The following MZT2B variants were observed in gnomAD, a reference collection of about 807,000 sequenced individuals.
MZT2B encodes mitotic spindle organizing protein 2B.
In MZT2B, 11 loss-of-function variants were observed where a neutral mutation model predicts 12.1. The ratio of observed to expected loss-of-function variants is 0.91; its 90% confidence interval spans 0.57 to 1.50. The LOEUF (loss-of-function observed/expected upper bound fraction) is 1.50. MZT2B is among the 40% of genes most tolerant of loss of function. The probability of loss-of-function intolerance (pLI) is 0.00; values close to 1 mark genes in which losing one functional copy is unlikely to be tolerated. For synonymous variants in MZT2B, 85 were observed against 109.5 expected, an observed-to-expected ratio of 0.78 and a Z score of 1.40; for missense variants, 209 against 227.7, an observed-to-expected ratio of 0.92 and a Z score of 0.53.
downstream of MZT2B, among the ~76,000 whole-genome samples, chr2:130,194,717 G>C (rs2314001): frequency 6.6e-6 from 1 of 152,114 alleles, no homozygotes; most frequent in African/African-American, 2.4e-5. Context: ...TTGCTCTGTT[G>C]CCCAGGTTAG....
At chr2:130,195,265 C>T (rs539147648), downstream of MZT2B, 3 of 1,603,768 alleles carry the variant, frequency 1.9e-6, no homozygotes, top group South Asian at 3.4e-5. Flanking sequence ...ATTTTTAAGG[C>T]CTGTACTCAC....
At position 130,182,328 on chromosome 2, in the gene MZT2B, C is replaced by A. The variant is rs779799298; in HGVS notation, c.46C>A (p.Pro16Thr). ...VGPGPGSAAPPGLEAARQKLA... is the reference protein window; with the variant it reads ...VGPGPGSAAPTGLEAARQKLA... ...GCCTGGGCCGGGGTCGGCGGCGCCCCCGGGGCTGGAGGCGGCCCGGCAGAA... is the reference window on the plus strand; with the variant it reads ...GCCTGGGCCGGGGTCGGCGGCGCCCACGGGGCTGGAGGCGGCCCGGCAGAA... The change falls in exon 1 of 3, where the codon CCG (proline) becomes ACG (threonine). Residue 16 changes from proline to threonine, a missense_variant. By Grantham distance (38) the Pro-to-Thr change is conservative. Coordinates refer to ENST00000281871, the MANE Select transcript of MZT2B (RefSeq NM_025029.5). The A allele has an allele frequency of 6.6e-7, 1 of 1,523,796 alleles. No homozygotes were observed. Among genetic ancestry groups the A allele is most frequent in the South Asian group, 1.2e-5 (1 of 82,854 alleles). 94.4% of individuals were successfully genotyped at this position (1,523,796 alleles called of 1,614,324 possible).
chr2:130,183,875 G>C (rs755441048), intron 2 of MZT2B: 12 of 1,550,480 alleles, frequency 7.7e-6, no homozygotes, highest in Middle Eastern at 1.7e-4. Flanking sequence ...CTCCGGTTCT[G>C]CTCCACAGCC....
intron 2 of MZT2B, among the ~76,000 whole-genome samples, chr2:130,185,310 C>CA (rs34780324): frequency 0.099 from 11,560 of 117,174 alleles, 1,686 homozygotes; most frequent in African/African-American, 0.32. Context: ...GACTCCGTCT[C>CA]AAAAAAAAAA....
At position 130,184,090 on chromosome 2, in the gene MZT2B, C is replaced by G. The variant is rs1411952064; in HGVS notation, c.319+1315C>G. Reference sequence around the variant, plus strand: ...GCAGGACCATGCAGGCCATCGCTGCCCTGCCGCTTAGCCACAGGGCACGAT... The same window carrying G: ...GCAGGACCATGCAGGCCATCGCTGCGCTGCCGCTTAGCCACAGGGCACGAT... On this transcript the variant is annotated intron_variant, in intron 2 of 2. Coordinates refer to ENST00000281871, the MANE Select transcript of MZT2B (RefSeq NM_025029.5). 40 of 1,543,212 alleles carry G rather than the reference C, an allele frequency of 2.6e-5. No individual in the cohort carries two copies. The East Asian group carries it at 8.8e-4, about 34-fold the overall frequency.
chr2:130,187,204 T>C (rs1453765778), intron 2 of MZT2B, among the ~76,000 whole-genome samples: 2 of 152,116 alleles, frequency 1.3e-5, no homozygotes, highest in African/African-American at 4.8e-5. Flanking sequence ...TTTATTTATT[T>C]ATTTTTGAGA....
At chr2:130,182,478 T>G in intron 1 of MZT2B, 26 bp downstream of exon 1, 2 of 1,541,026 alleles carry the variant, frequency 1.3e-6, no homozygotes, top group Non-Finnish European at 1.8e-6. Flanking sequence ...GGGGGCCGCA[T>G]GCTAGCCAGA....
rs547113395 is a variant in MZT2B at position 130,189,052 on chromosome 2, C to T, written c.320-1417C>T. On this transcript the variant is annotated intron_variant, in intron 2 of 2. Transcript: ENST00000281871. ...AAAAGTGATGGCAGGGGAGTTCCTG[C>T]AAGGGACTGCCCCAAACCTTTCCAG... Among the ~76,000 whole-genome samples, 3 of 152,238 alleles carry T rather than the reference C, an allele frequency of 2.0e-5. No homozygotes were observed. In the South Asian group the frequency reaches 6.2e-4, roughly 31 times the overall value.
At chr2:130,182,197 G>GA, upstream of MZT2B, 3 of 1,253,870 alleles carry the variant, frequency 2.4e-6, no homozygotes, top group Non-Finnish European at 3.0e-6. Flanking sequence ...CGGGAGGCCA[G>GA]ACGTTGACGC....
intron 2 of MZT2B, chr2:130,184,480 G>A (rs1689978584): frequency 1.0e-6 from 1 of 985,374 alleles, no homozygotes; most frequent in Non-Finnish European, 1.2e-6. Flanking sequence ...TCCTGAGTTA[G>A]CACACTTTCC....
the MZT2B span, among the ~76,000 whole-genome samples, chr2:130,201,086 G>C: frequency 6.6e-6 from 1 of 152,266 alleles, no homozygotes; most frequent in Non-Finnish European, 1.5e-5. Flanking sequence ...AGCTCCCCCA[G>C]TGGGATGGGA....
At chr2:130,184,020 A>G in intron 2 of MZT2B, 2 of 1,550,378 alleles carry the variant, frequency 1.3e-6, no homozygotes, top group South Asian at 2.4e-5. Flanking sequence ...GTTTCCATGG[A>G]AACTGCCTGG....
At chr2:130,196,279 G>A in the MZT2B span, 31 of 1,613,934 alleles carry the variant, frequency 1.9e-5, no homozygotes, top group East Asian at 6.7e-5. Flanking sequence ...TTTGACCATC[G>A]GGCTGAATTC....
chr2:130,189,051 G>A (rs1420738351), intron 2 of MZT2B, among the ~76,000 whole-genome samples: 2 of 152,134 alleles, frequency 1.3e-5, no homozygotes, highest in South Asian at 2.1e-4. Flanking sequence ...GGGAGTTCCT[G>A]CAAGGGACTG....
chr2:130,183,719 C>G, intron 2 of MZT2B: 1 of 1,550,444 alleles, frequency 6.4e-7, no homozygotes, highest in South Asian at 1.2e-5. Context: ...GGCCCGGGCA[C>G]CTGCGTGCTG....
the MZT2B span, among the ~76,000 whole-genome samples, chr2:130,201,573 G>T: frequency 6.6e-6 from 1 of 152,126 alleles, no homozygotes; most frequent in Non-Finnish European, 1.5e-5. Context: ...TAGAGCTTCA[G>T]CGTCTAATAT....
At chr2:130,181,775 G>A (rs1817097), upstream of MZT2B, 562,175 of 1,547,698 alleles carry the variant, frequency 0.36, 103,127 homozygotes, top group Admixed American at 0.43. Flanking sequence ...CGCCTGCGTT[G>A]TGGCGGCCTC....
the MZT2B span, among the ~76,000 whole-genome samples, chr2:130,201,765 TCA>T: frequency 1.3e-5 from 2 of 152,180 alleles, no homozygotes; most frequent in African/African-American, 4.8e-5. Context: ...CGTGAGAACA[TCA>T]CAGAGTGTTC....
At chr2:130,191,915 C>T (rs762479210), downstream of MZT2B, 4 of 1,614,140 alleles carry the variant, frequency 2.5e-6, no homozygotes, top group Middle Eastern at 1.6e-4. Flanking sequence ...CTGCCAGGTC[C>T]TCGCGGGCCT....
Sources: gnomAD v4.1 joint callset for allele counts (sites outside exome capture counted in the v4.1 genomes callset) on GRCh38, gnomAD v4.1.1 for gene constraint, MANE v1.5 for transcripts, NCBI Gene and HGNC (gene_info 2026-07-23, HGNC 2026-07-21) for gene names.